The following ADGRG4 variants were observed in gnomAD, a reference collection of about 807,000 sequenced individuals.
The protein encoded by ADGRG4 is G protein-coupled receptor 112.
Under a neutral mutation model 126.2 loss-of-function variants are expected in ADGRG4, and 122 were observed. That is an observed-to-expected ratio of 0.97 (90% CI 0.83 to 1.12). ADGRG4 has a LOEUF of 1.12. Ranked by LOEUF, ADGRG4 falls within the 50% of genes most tolerant of loss-of-function variation. ADGRG4 has a pLI of 0.00. For missense variants in ADGRG4, 2,481 were observed against 2,251.8 expected (o/e 1.10, Z -2.06); for synonymous variants, 943 against 838.7 (o/e 1.12, Z -2.15).
chrX:136,344,746 C>T lies in ADGRG4; in HGVS notation c.1040C>T (p.Ser347Phe). The T allele has an allele frequency of 8.3e-7, 1 of 1,210,097 alleles. No individual in the cohort carries two copies. Among genetic ancestry groups the T allele is most frequent in the Non-Finnish European group, 1.1e-6 (1 of 894,486 alleles). ...TNSMKKTKSP[S>F]SESTKTTKMV... ...TCCATGAAAAAAACGAAATCTCCAT[C>T]TTCAGAAAGCACAAAGACAACAAAA... Residue 347 changes from serine to phenylalanine, a missense_variant, in exon 6 of 26, where the codon TCT (serine) becomes TTT (phenylalanine). Ser to Phe is a radical substitution (Grantham distance 155). Coordinates refer to ENST00000394143, the MANE Select transcript of ADGRG4 (RefSeq NM_153834.4).
chrX:136,356,840 A>T (rs1414944459), intron 9 of ADGRG4, among the ~76,000 whole-genome samples: 1 of 111,505 alleles, frequency 9.0e-6, no homozygotes, highest in Non-Finnish European at 1.9e-5. Flanking sequence ...TCTACAAAAA[A>T]TAATTTAAAA....
intron 5 of ADGRG4, among the ~76,000 whole-genome samples, chrX:136,326,580 A>C (rs901978657): frequency 2.1e-4 from 23 of 111,221 alleles, no homozygotes; most frequent in African/African-American, 6.9e-4. Context: ...CTTCCTTTGG[A>C]GGTAATGGCT....
intron 5 of ADGRG4, among the ~76,000 whole-genome samples, chrX:136,336,018 G>A (rs764480402): frequency 1.8e-5 from 2 of 109,675 alleles, no homozygotes; most frequent in African/African-American, 6.6e-5. Context: ...TTTCTTCTCA[G>A]CACTGTTTTA....
chrX:136,309,448 A>G (rs2148443700), intron 4 of ADGRG4, among the ~76,000 whole-genome samples: 1 of 112,604 alleles, frequency 8.9e-6, no homozygotes, highest in East Asian at 2.8e-4. Context: ...AGACTTCAGG[A>G]GAAGGTCTTG....
chrX:136,371,259 G>A, intron 13 of ADGRG4, 69 bp from the exon 14 acceptor site: 1 of 726,520 alleles, frequency 1.4e-6, no homozygotes, highest in Non-Finnish European at 2.0e-6. Flanking sequence ...TCTTTAAAGG[G>A]AAAGAAGCAC....
At position 136,350,163 on chromosome X, in the gene ADGRG4, A is replaced by G; in HGVS notation, c.6457A>G (p.Thr2153Ala). Residue 2153 changes from threonine to alanine, a missense_variant, in exon 6 of 26, where the codon ACA becomes GCA. Transcript: ENST00000394143. Reference sequence around the variant, plus strand: ...CATGCCTCTGCCTAGCTCTACAATAACATCTTCATGGAACAGAATTCCAAC... The same window carrying G: ...CATGCCTCTGCCTAGCTCTACAATAGCATCTTCATGGAACAGAATTCCAAC... ...GAMPLPSSTI[T>A]SSWNRIPTAS... 8.3e-7 allele frequency: 1 copy of G among 1,208,653 alleles called. No homozygotes were observed. The highest frequency in any genetic ancestry group is 1.1e-6 in the Non-Finnish European group (1 of 894,387).
chrX:136,368,509 C>T (rs2075173124), intron 13 of ADGRG4, among the ~76,000 whole-genome samples: 1 of 111,863 alleles, frequency 8.9e-6, no homozygotes, highest in Non-Finnish European at 1.9e-5. Context: ...GATGCTTCCT[C>T]AGAGCCAGAC....
chrX:136,371,365 G>C lies in ADGRG4; in HGVS notation c.7434G>C (p.Leu2478Phe). 4.2e-6 allele frequency: 5 copies of C among 1,195,668 alleles called. No homozygotes were observed. The highest frequency in any genetic ancestry group is 5.6e-6 in the Non-Finnish European group (5 of 886,788). Residue 2478 changes from leucine to phenylalanine, a missense_variant, in exon 14 of 26, where the codon TTG becomes TTC. By Grantham distance (22) the Leu-to-Phe change is conservative. Coordinates refer to ENST00000394143, the MANE Select transcript of ADGRG4 (RefSeq NM_153834.4). The part of the protein sequence containing the change: ...AEDVAEHILN[L>F]INESPALGKE... ...ATGTTGCAGAGCATATTTTAAATTTGATAAATGAATCCCCAGCCCTGGGTA... is the reference window on the plus strand; with the variant it reads ...ATGTTGCAGAGCATATTTTAAATTTCATAAATGAATCCCCAGCCCTGGGTA...
At chrX:136,396,783 A>G (rs1375299534) in intron 19 of ADGRG4, among the ~76,000 whole-genome samples, 1 of 103,121 alleles carries the variant, frequency 9.7e-6, no homozygotes, top group East Asian at 3.1e-4. Context: ...CTGGCCAAAT[A>G]GTTCTGTCTT....
chrX:136,400,812 G>T (rs1437360618), intron 21 of ADGRG4, among the ~76,000 whole-genome samples: 2 of 112,429 alleles, frequency 1.8e-5, no homozygotes, highest in East Asian at 5.6e-4. Flanking sequence ...TCTCAGCATA[G>T]ATCTTTCTGA....
At chrX:136,352,691 C>A (rs1443943273) in intron 7 of ADGRG4, among the ~76,000 whole-genome samples, 1 of 111,331 alleles carries the variant, frequency 9.0e-6, no homozygotes, top group Non-Finnish European at 1.9e-5. Flanking sequence ...CCAACTTGCA[C>A]CATCTCCCAA....
intron 4 of ADGRG4, among the ~76,000 whole-genome samples, chrX:136,317,808 A>G (rs1375086500): frequency 8.9e-6 from 1 of 112,068 alleles, no homozygotes; most frequent in Non-Finnish European, 1.9e-5. Flanking sequence ...GTCATCAGCC[A>G]TTAGGGAAAT....
intron 6 of ADGRG4, among the ~76,000 whole-genome samples, chrX:136,351,048 A>G (rs1173657547): frequency 8.9e-6 from 1 of 111,877 alleles, no homozygotes; most frequent in African/African-American, 3.3e-5. Flanking sequence ...AAAAGGAGAG[A>G]AAAACCCAAA....
At position 136,361,521 on chromosome X, in the gene ADGRG4, C is replaced by G. The variant is rs150597100; in HGVS notation, c.7211C>G (p.Thr2404Ser). ...KYKGTYKWLLTNPTETAQTRC... is the reference protein window; with the variant it reads ...KYKGTYKWLLSNPTETAQTRC... ...AAAGGGACCTATAAGTGGCTATTAACCAACCCTACGGAGACAGCCCAAACC... is the reference window on the plus strand; with the variant it reads ...AAAGGGACCTATAAGTGGCTATTAAGCAACCCTACGGAGACAGCCCAAACC... Residue 2404 changes from threonine (T) to serine (S), a missense_variant, in exon 12 of 26, where the codon ACC becomes AGC. Thr to Ser is a moderately conservative substitution (Grantham distance 58, BLOSUM62 1). Coordinates refer to ENST00000394143, the MANE Select transcript of ADGRG4 (RefSeq NM_153834.4). 7.2e-4 allele frequency: 850 copies of G among 1,187,417 alleles called. No homozygotes were observed. Among genetic ancestry groups the G allele is most frequent in the Non-Finnish European group, 9.1e-4 (803 of 881,315 alleles).
At position 136,345,068 on chromosome X, in the gene ADGRG4, T is replaced by A; in HGVS notation, c.1362T>A (p.Thr454=). Residue 454 remains threonine (T), a synonymous_variant, in exon 6 of 26, where the codon ACT becomes ACA. Coordinates refer to ENST00000394143, the MANE Select transcript of ADGRG4 (RefSeq NM_153834.4). The part of the protein sequence containing the change: ...GTVPWFTVEK[T]SPASTHVGTA... ...TACCTTGGTTTACAGTGGAAAAGAC[T>A]TCACCTGCATCTACTCATGTTGGGA... 1 of 1,210,618 alleles carries A rather than the reference T, an allele frequency of 8.3e-7. No homozygotes were observed. The highest frequency in any genetic ancestry group is 1.1e-6 in the Non-Finnish European group (1 of 894,523).
At chrX:136,303,901 A>G (rs772015052) in intron 1 of ADGRG4, among the ~76,000 whole-genome samples, 5 of 110,536 alleles carry the variant, frequency 4.5e-5, no homozygotes, top group African/African-American at 1.6e-4. Flanking sequence ...AGTGTTAGAA[A>G]CAGGGACAGA....
At chrX:136,312,535 A>C (rs1220832100) in intron 4 of ADGRG4, among the ~76,000 whole-genome samples, 2 of 111,856 alleles carry the variant, frequency 1.8e-5, no homozygotes, top group Non-Finnish European at 3.8e-5. Context: ...CTGAGGCACA[A>C]GAATAGCTTG....
intron 4 of ADGRG4, among the ~76,000 whole-genome samples, chrX:136,310,619 G>A: frequency 9.0e-6 from 1 of 111,327 alleles, no homozygotes; most frequent in Non-Finnish European, 1.9e-5. Flanking sequence ...ATTGGGGAGA[G>A]ATTAAGGCCA....
chrX:136,357,894 C>T (rs1452784834), intron 10 of ADGRG4, 138 bp downstream of exon 10: 1 of 463,377 alleles, frequency 2.2e-6, no homozygotes, highest in Non-Finnish European at 3.8e-6. Context: ...TTCACATATG[C>T]TGTAATTAGG....
Sources: gnomAD v4.1 joint callset for allele counts (sites outside exome capture counted in the v4.1 genomes callset) on GRCh38, gnomAD v4.1.1 for gene constraint, MANE v1.5 for transcripts, NCBI Gene and HGNC (gene_info 2026-07-23, HGNC 2026-07-21) for gene names.